CSRNP2: variants seen among roughly 807,000 people sequenced by gnomAD.
CSRNP2 encodes the protein cysteine and serine rich nuclear protein 2.
CSRNP2 carries 11 observed loss-of-function variants against 36.6 expected under a neutral mutation model. That is an observed-to-expected ratio of 0.30 (90% CI 0.19 to 0.50). CSRNP2 has a LOEUF of 0.50. CSRNP2 is among the 20% of genes least tolerant of loss of function. The pLI, the probability that CSRNP2 is intolerant of heterozygous loss-of-function variation, is 0.98. For missense variants in CSRNP2, 483 were observed against 691.4 expected (o/e 0.70, Z 3.38); for synonymous variants, 248 against 275.3 (o/e 0.90, Z 0.98).
In CSRNP2 at chr12:51,073,934, G is replaced by A; in HGVS notation, c.300C>T (p.Asn100=). 1 of 1,614,116 alleles carries A rather than the reference G, an allele frequency of 6.2e-7. No individual in the cohort carries two copies. The highest frequency in any genetic ancestry group is 8.5e-7 in the Non-Finnish European group (1 of 1,180,020). The change falls in exon 3 of 5, where the codon AAC becomes AAT. Residue 100 remains asparagine (N), a synonymous_variant. Coordinates refer to ENST00000228515, the MANE Select transcript of CSRNP2 (RefSeq NM_030809.3). ...CACAGAGTGTATAGCTCCGTACAGA[G>A]TTATGGCGCTGGGCCATGCCCAGAG... The part of the protein sequence containing the change: ...GSSLGMAQRH[N]SVRSYTLCEF...
intron 3 of CSRNP2, among the ~76,000 whole-genome samples, chr12:51,069,654 C>G (rs1320820214): frequency 6.7e-6 from 1 of 149,308 alleles, no homozygotes; most frequent in South Asian, 2.1e-4. Flanking sequence ...TAATACTGAG[C>G]GTACTATGTA....
intron 3 of CSRNP2, among the ~76,000 whole-genome samples, chr12:51,072,360 C>T (rs997621201): frequency 6.6e-6 from 1 of 151,692 alleles, no homozygotes. Context: ...GAGACCGAAC[C>T]CATCCTGGCT....
intron 3 of CSRNP2, among the ~76,000 whole-genome samples, chr12:51,068,635 T>C (rs930913920): frequency 6.6e-6 from 1 of 152,206 alleles, no homozygotes; most frequent in African/African-American, 2.4e-5. Context: ...ATACCGTCTA[T>C]TTCCAGACAT....
rs1939724216 is a variant in CSRNP2, at chr12:51,083,535, T to TCCGGCAACTCGGGCGCCC, written c.-301_-284dup. The TCCGGCAACTCGGGCGCCC allele has an allele frequency of 1.3e-5, 2 of 152,222 alleles. No homozygotes were observed. The highest frequency in any genetic ancestry group is 4.8e-5 in the African/African-American group (2 of 41,456). 9.4% of individuals were successfully genotyped at this position (152,222 alleles called of 1,614,324 possible). ...CGGCAGGCAGAGAGGGCCGGGCGTC[T>TCCGGCAACTCGGGCGCCC]CCGGCAACTCGGGCGCCCCCGGCAG... On this transcript the variant is annotated 5_prime_UTR_variant, in exon 1 of 5. Transcript: ENST00000228515.
intron 1 of CSRNP2, 101 bp downstream of exon 1, chr12:51,083,238 C>G (rs544705802): frequency 6.6e-6 from 1 of 152,660 alleles, no homozygotes; most frequent in African/African-American, 2.4e-5. Context: ...CCCCTCCATC[C>G]GCACGGCTCT....
chr12:51,067,980 A>C lies in CSRNP2; in HGVS notation c.412-11T>G, dbSNP rs760206383. 4 of 1,610,976 alleles carry C rather than the reference A, an allele frequency of 2.5e-6. No homozygotes were observed. The highest frequency in any genetic ancestry group is 3.4e-6 in the Non-Finnish European group (4 of 1,177,786). ...CCCATTCTTGGTCAGCTGCCAAGAG[A>C]CAGGAAAGGTTAGCCTCATAGACAT... On this transcript the variant is annotated splice_polypyrimidine_tract_variant and intron_variant, in intron 3 of 4. Coordinates refer to ENST00000228515, the MANE Select transcript of CSRNP2 (RefSeq NM_030809.3). This position sits in a 1 kb window ranked among gnomAD's most constrained non-coding sequence, Gnocchi z 4.1.
chr12:51,073,199 A>G (rs1308271809), intron 3 of CSRNP2, among the ~76,000 whole-genome samples: 2 of 151,918 alleles, frequency 1.3e-5, no homozygotes, highest in Non-Finnish European at 2.9e-5. Flanking sequence ...AGCCTGGGTG[A>G]CAGAGAGAGA....
chr12:51,069,766 C>T (rs1462128332), intron 3 of CSRNP2, among the ~76,000 whole-genome samples: 2 of 150,276 alleles, frequency 1.3e-5, no homozygotes, highest in African/African-American at 4.9e-5. Flanking sequence ...AATCTCGGCT[C>T]ACTGCAAGCT....
chr12:51,063,668 A>G lies in CSRNP2; in HGVS notation c.*78T>C. ...ACATGGGAGCAGCAGCTGCTTCTACAGTTTTGTTTTGAAATGGTGTTAGAT... is the reference window on the plus strand; with the variant it reads ...ACATGGGAGCAGCAGCTGCTTCTACGGTTTTGTTTTGAAATGGTGTTAGAT... On this transcript the variant is annotated 3_prime_UTR_variant, in exon 5 of 5. Transcript: ENST00000228515. The G allele has an allele frequency of 5.4e-6, 6 of 1,117,696 alleles. No individual in the cohort carries two copies. The highest frequency in any genetic ancestry group is 7.4e-6 in the Non-Finnish European group (6 of 808,696). 69.2% of individuals were successfully genotyped at this position (1,117,696 alleles called of 1,614,324 possible).
At chr12:51,069,181 T>C (rs1252317199) in intron 3 of CSRNP2, among the ~76,000 whole-genome samples, 2 of 151,988 alleles carry the variant, frequency 1.3e-5, no homozygotes. Flanking sequence ...TTCACCGTGT[T>C]AGCCAGGATG....
At chr12:51,081,491 T>C (rs1939639437) in intron 1 of CSRNP2, 1 of 152,220 alleles carries the variant, frequency 6.6e-6, no homozygotes, top group Non-Finnish European at 1.5e-5. Flanking sequence ...TTGTAAGTTT[T>C]AGCACCTAGG....
At chr12:51,083,195 C>G (rs1200248333) in intron 1 of CSRNP2, 144 bp downstream of exon 1, 1 of 152,798 alleles carries the variant, frequency 6.5e-6, no homozygotes, top group Non-Finnish European at 1.5e-5. Flanking sequence ...TCCCCGCCCC[C>G]CGACCGCTCC....
In CSRNP2 at chr12:51,062,334, G is replaced by A. The variant is rs1937657870; in HGVS notation, c.*1412C>T. 1 of 152,180 alleles carries A rather than the reference G, an allele frequency of 6.6e-6. No homozygotes were observed. The highest frequency in any genetic ancestry group is 2.1e-4 in the South Asian group (1 of 4,826). The allele number at this position is 152,180 out of a possible 1,614,324, so 9.4% of individuals were successfully genotyped here. On this transcript the variant is annotated 3_prime_UTR_variant, in exon 5 of 5. Coordinates refer to ENST00000228515, the MANE Select transcript of CSRNP2 (RefSeq NM_030809.3). ...ACCAGAAGTAAAGTATGGTGTAAAGGATGCTTGAGAAGAATAGTTTTGCTC... is the reference window on the plus strand; with the variant it reads ...ACCAGAAGTAAAGTATGGTGTAAAGAATGCTTGAGAAGAATAGTTTTGCTC...
At position 51,063,519 on chromosome 12, in the gene CSRNP2, A is replaced by T. The variant is rs1937782614; in HGVS notation, c.*227T>A. ...GAAAGCTTAATGTTCAGCACTACGC[A>T]GCTTTCTTTGCCCCAAGACTATCCC... On this transcript the variant is annotated 3_prime_UTR_variant, in exon 5 of 5. Coordinates refer to ENST00000228515, the MANE Select transcript of CSRNP2 (RefSeq NM_030809.3). The T allele has an allele frequency of 2.8e-6, 1 of 360,376 alleles. No homozygotes were observed. Among genetic ancestry groups the T allele is most frequent in the Non-Finnish European group, 5.0e-6 (1 of 199,710 alleles). 22.3% of individuals were successfully genotyped at this position (360,376 alleles called of 1,614,324 possible). A position where few individuals can be genotyped will look rare whatever the true frequency, so the allele number is the denominator to read the frequency against.
intron 3 of CSRNP2, among the ~76,000 whole-genome samples, chr12:51,072,644 T>TGA (rs1555247785): frequency 1.2e-4 from 1 of 8,674 alleles, no homozygotes; most frequent in East Asian, 0.029. Context: ...CCTCTCTCTC[T>TGA]CGAAGAAGAG....
At chr12:51,069,697 TTTTC>T (rs1178006476) in intron 3 of CSRNP2, among the ~76,000 whole-genome samples, 2 of 148,822 alleles carry the variant, frequency 1.3e-5, no homozygotes, top group South Asian at 2.1e-4. Context: ...TTTTTCTTTT[TTTTC>T]TTTTTTTTTG....
At chr12:51,075,519 T>C (rs771999415) in intron 2 of CSRNP2, among the ~76,000 whole-genome samples, 60 of 152,194 alleles carry the variant, frequency 3.9e-4, no homozygotes, top group Non-Finnish European at 6.8e-4. Flanking sequence ...TTGGATAGCA[T>C]TGATCTGTAG....
In CSRNP2 at chr12:51,061,443, A is replaced by G. The variant is rs1566166170; in HGVS notation, c.*2303T>C. 2 of 152,772 alleles carry G rather than the reference A, an allele frequency of 1.3e-5. No homozygotes were observed. Among genetic ancestry groups the G allele is most frequent in the East Asian group, 3.9e-4 (2 of 5,186 alleles). The allele number at this position is 152,772 out of a possible 1,614,324, so 9.5% of individuals were successfully genotyped here. A position where few individuals can be genotyped will look rare whatever the true frequency, so the allele number is the denominator to read the frequency against. On this transcript the variant is annotated 3_prime_UTR_variant, in exon 5 of 5. Coordinates refer to ENST00000228515, the MANE Select transcript of CSRNP2 (RefSeq NM_030809.3). ...ACTGGGACTGAAGCTATCTGCTTCT[A>G]TGATCAGAGGCCTAGCTTTCCTAGC...
At chr12:51,070,406 G>T (rs556618096) in intron 3 of CSRNP2, among the ~76,000 whole-genome samples, 1 of 152,246 alleles carries the variant, frequency 6.6e-6, no homozygotes, top group South Asian at 2.1e-4. Flanking sequence ...GTTTATCTCA[G>T]GATTGCTCCT....
Sources: gnomAD v4.1 joint callset for allele counts (sites outside exome capture counted in the v4.1 genomes callset) on GRCh38, gnomAD v4.1.1 for gene constraint, Gnocchi (gnomAD v3.1) non-coding constraint, MANE v1.5 for transcripts, NCBI Gene and HGNC (gene_info 2026-07-23, HGNC 2026-07-21) for gene names.